Variants in CCSER1 observed in about 807,000 individuals in gnomAD.
CCSER1 encodes coiled-coil serine rich protein 1.
A neutral mutation model predicts 82.0 loss-of-function variants in CCSER1; 41 were observed. The ratio of observed to expected loss-of-function variants is 0.50; its 90% CI spans 0.39 to 0.65. CCSER1 has a LOEUF of 0.65. Among genes scored for constraint, CCSER1 ranks in the 30% least tolerant of loss-of-function variants. The pLI is 0.00. For missense variants in CCSER1, 1,119 were observed against 1,064.2 expected (o/e 1.05, Z -0.72); for synonymous variants, 414 against 383.9 (o/e 1.08, Z -0.92).
At chr4:90,468,596 A>G (rs1184220189) in intron 5 of CCSER1, 1 of 321,644 alleles carries the variant, frequency 3.1e-6, no homozygotes, top group South Asian at 7.4e-5. Context: ...GGACATGGGC[A>G]AGTAGGCTGA....
Position 91,149,604 on chromosome 4 carries a change from C to G in CCSER1, c.2217+63610C>G, listed in dbSNP as rs574990349. The stretch of plus-strand genomic sequence containing the variant: ...CTAGGTTTTCTGCTAGAGTTTTTAT[C>G]GTTTTAGGTCTGACATTGAAGTCTT... On this transcript the variant is annotated intron_variant, in intron 10 of 10. Coordinates refer to ENST00000509176, the MANE Select transcript of CCSER1 (RefSeq NM_001145065.2). 2.6e-5 allele frequency among the ~76,000 whole-genome samples: 4 copies of G among 152,108 alleles called. No individual in the cohort carries two copies. The South Asian group carries it at 8.3e-4, about 32-fold the overall frequency.
chr4:91,305,020 A>T (rs1414885132), intron 10 of CCSER1, among the ~76,000 whole-genome samples: 1 of 151,958 alleles, frequency 6.6e-6, no homozygotes, highest in East Asian at 1.9e-4. Flanking sequence ...TTTACCTTTA[A>T]TGCTATATAA....
At chr4:91,017,257 TAAC>T (rs1446452981) in intron 9 of CCSER1, 1 of 152,192 alleles carries the variant, frequency 6.6e-6, no homozygotes, top group Non-Finnish European at 1.5e-5. Context: ...GCAAGTTTTG[TAAC>T]AACACGAATG....
intron 3 of CCSER1, among the ~76,000 whole-genome samples, chr4:90,375,305 T>C (rs1748132221): frequency 6.6e-6 from 1 of 152,166 alleles, no homozygotes; most frequent in Non-Finnish European, 1.5e-5. Context: ...ATAAAATGTC[T>C]TTGCCCTTTC....
intron 10 of CCSER1, among the ~76,000 whole-genome samples, chr4:91,470,723 T>G (rs1456136673): frequency 6.6e-6 from 1 of 152,182 alleles, no homozygotes; most frequent in East Asian, 1.9e-4. Flanking sequence ...ATAAGCCATA[T>G]CTGCTATGAG....
At chr4:90,856,595 G>A (rs1018733595) in intron 8 of CCSER1, among the ~76,000 whole-genome samples, 60 of 151,962 alleles carry the variant, frequency 3.9e-4, no homozygotes, top group African/African-American at 1.3e-3. Flanking sequence ...CTTCCCCGAC[G>A]TAAAAGAAGT....
intron 10 of CCSER1, among the ~76,000 whole-genome samples, chr4:91,422,119 C>G (rs528718886): frequency 6.6e-6 from 1 of 152,040 alleles, no homozygotes; most frequent in Non-Finnish European, 1.5e-5. Flanking sequence ...TTGATTTTAG[C>G]TTAGTAATAC....
chr4:91,274,932 C>T (rs983795005), intron 10 of CCSER1, among the ~76,000 whole-genome samples: 2 of 151,900 alleles, frequency 1.3e-5, no homozygotes, highest in Admixed American at 1.3e-4. Context: ...AGTGAAACCC[C>T]GTCCCTACTA....
intron 3 of CCSER1, among the ~76,000 whole-genome samples, chr4:90,383,362 C>A (rs1430514910): frequency 2.0e-5 from 3 of 152,150 alleles, no homozygotes; most frequent in Admixed American, 2.0e-4. Context: ...ACTTTACCCT[C>A]ACTTTACAGC....
chr4:91,134,538 A>G (rs2148915128), intron 10 of CCSER1, among the ~76,000 whole-genome samples: 2 of 152,348 alleles, frequency 1.3e-5, no homozygotes, highest in East Asian at 3.9e-4. Context: ...CATACTGAAT[A>G]AAATAGGAAT....
rs778435194 is a variant in CCSER1, at chr4:91,358,390, CGTT to C, written c.2218-240178_2218-240176del. 1.7e-3 allele frequency among the ~76,000 whole-genome samples: 116 copies of C among 67,640 alleles called. 2 individuals carry two copies. Among genetic ancestry groups the C allele is most frequent in the African/African-American group, 3.0e-3 (43 of 14,478 alleles). 44.4% of individuals were successfully genotyped at this position (67,640 alleles called of 152,430 possible). On this transcript the variant is annotated intron_variant, in intron 10 of 10. Coordinates refer to ENST00000509176, the MANE Select transcript of CCSER1 (RefSeq NM_001145065.2). Reference sequence around the variant, plus strand: ...GTGGGCTTACTTTGTGCCTGACCCACGTTGTTTTTTTTTTTTTTTTCCCGAGAC... The same window carrying C: ...GTGGGCTTACTTTGTGCCTGACCCACGTTTTTTTTTTTTTTTTCCCGAGAC...
chr4:91,511,126 G>A (rs1268424856), intron 10 of CCSER1, among the ~76,000 whole-genome samples: 1 of 151,960 alleles, frequency 6.6e-6, no homozygotes, highest in Non-Finnish European at 1.5e-5. Flanking sequence ...TTTTGTTGAA[G>A]CGCAGTTGGT....
At chr4:90,697,462 A>T (rs1737181077) in intron 6 of CCSER1, among the ~76,000 whole-genome samples, 1 of 152,222 alleles carries the variant, frequency 6.6e-6, no homozygotes, top group Admixed American at 6.6e-5. Context: ...TAAGCAATCT[A>T]ACAGACAAAA....
chr4:90,817,705 T>C (rs916746568), intron 8 of CCSER1, among the ~76,000 whole-genome samples: 4 of 152,104 alleles, frequency 2.6e-5, no homozygotes, highest in African/African-American at 9.7e-5. Context: ...AGTATGTAAT[T>C]GGTGATTCAA....
At chr4:91,383,923 C>T (rs1751103098) in intron 10 of CCSER1, among the ~76,000 whole-genome samples, 1 of 152,078 alleles carries the variant, frequency 6.6e-6, no homozygotes, top group Non-Finnish European at 1.5e-5. Context: ...TAATGGATCT[C>T]AGCAATAGAC....
At chr4:90,691,519 G>GTA (rs1321112146) in intron 6 of CCSER1, among the ~76,000 whole-genome samples, 1 of 150,728 alleles carries the variant, frequency 6.6e-6, no homozygotes, top group Non-Finnish European at 1.5e-5. Context: ...TATTACATGT[G>GTA]TACATATCAC....
intron 8 of CCSER1, among the ~76,000 whole-genome samples, chr4:90,844,071 C>T (rs13136779): frequency 0.65 from 98,907 of 151,622 alleles, 32,657 homozygotes; most frequent in African/African-American, 0.73. Flanking sequence ...ATAAATTGTA[C>T]CACCATTCAA....
At chr4:91,388,862 C>T (rs574492097) in intron 10 of CCSER1, among the ~76,000 whole-genome samples, 2 of 151,862 alleles carry the variant, frequency 1.3e-5, no homozygotes, top group Admixed American at 6.6e-5. Flanking sequence ...ACTTTAGAAT[C>T]GGTTTGAAAA....
intron 1 of CCSER1, among the ~76,000 whole-genome samples, chr4:90,184,596 TACATTTTAA>T (rs1295146317): frequency 9.2e-5 from 14 of 152,140 alleles, no homozygotes; most frequent in Non-Finnish European, 2.1e-4. Flanking sequence ...GAGAGCATGC[TACATTTTAA>T]ACATACAACT....
Sources: gnomAD v4.1 joint callset for allele counts (sites outside exome capture counted in the v4.1 genomes callset) on GRCh38, gnomAD v4.1.1 for gene constraint, MANE v1.5 for transcripts, NCBI Gene and HGNC (gene_info 2026-07-23, HGNC 2026-07-21) for gene names.